Variants in MTMR11 observed in about 807,000 individuals in gnomAD.
MTMR11 encodes myotubularin related protein 11.
Under a neutral mutation model 100.0 loss-of-function variants are expected in MTMR11, and 89 were observed. That is an observed-to-expected ratio of 0.89 (90% CI 0.75 to 1.06). The LOEUF (loss-of-function observed/expected upper bound fraction) is 1.06. MTMR11 is among the 50% of genes least tolerant of loss of function. The pLI is 0.00. For synonymous variants in MTMR11, 336 were observed against 326.3 expected, an observed-to-expected ratio of 1.03 and a Z score of -0.32; for missense variants, 809 against 873.7, an observed-to-expected ratio of 0.93 and a Z score of 0.93.
Position 149,933,847 on chromosome 1 carries a change from A to T in MTMR11, c.771+8T>A, listed in dbSNP as rs374015983. 3.1e-6 allele frequency: 5 copies of T among 1,613,560 alleles called. No individual in the cohort carries two copies. The highest frequency in any genetic ancestry group is 4.2e-6 in the Non-Finnish European group (5 of 1,179,626). The stretch of plus-strand genomic sequence containing the variant: ...ATCCACAGCCATTACCCTAACCATC[A>T]CACTGACCGGTCCACGGCCCTGATG... On this transcript the variant is annotated splice_region_variant and intron_variant, in intron 8 of 16. Transcript: ENST00000439741.
chr1:149,935,691 C>G lies in MTMR11; in HGVS notation c.157G>C (p.Ala53Pro). ...CCCTTCCTCACCCCTGGGGCCCATG[C>G]TAGGATCTGCTCCCCTAAAGGGGAA... is the stretch of plus-strand genomic sequence containing the variant. ...SRCLPGEQIL[A>P]WAPGVRKGLE... The change falls in exon 3 of 17, where the codon GCA becomes CCA. Residue 53 changes from alanine (A) to proline (P), a missense_variant. By Grantham distance (27) the Ala-to-Pro change is conservative (BLOSUM62 -1). Transcript: ENST00000439741. The G allele has an allele frequency of 6.2e-7, 1 of 1,607,472 alleles. No homozygotes were observed. Among genetic ancestry groups the G allele is most frequent in the Non-Finnish European group, 8.5e-7 (1 of 1,176,898 alleles).
chr1:149,929,536 T>TCAGCTCCTTGCCTTTC (rs1553766900), intron 16 of MTMR11, 87 bp downstream of exon 16: 2 of 1,467,206 alleles, frequency 1.4e-6, no homozygotes, highest in Non-Finnish European at 1.8e-6. Context: ...CCCAGAGGCT[T>TCAGCTCCTTGCCTTTC]CAGCTCCTTG....
chr1:149,930,570 A>G (rs1426543744), intron 14 of MTMR11, 23 bp from the exon 15 acceptor site: 6 of 1,588,350 alleles, frequency 3.8e-6, no homozygotes, highest in Admixed American at 1.7e-5. Context: ...AGCAAGAAAA[A>G]GGATGGTTAC....
chr1:149,930,061 C>T (rs2092637980), intron 15 of MTMR11, 145 bp from the exon 16 acceptor site: 1 of 906,586 alleles, frequency 1.1e-6, no homozygotes, highest in Non-Finnish European at 1.7e-6. Context: ...AACTCTTCTA[C>T]CCTCCTCATT....
chr1:149,932,078 A>G (rs1571544971), intron 11 of MTMR11, 64 bp from the exon 12 acceptor site: 1 of 1,492,210 alleles, frequency 6.7e-7, no homozygotes, highest in East Asian at 2.3e-5. Flanking sequence ...AGTGATTTTG[A>G]TGGGTCATGG....
At position 149,929,690 on chromosome 1, in the gene MTMR11, G is replaced by GGCA. The variant is rs781834160; in HGVS notation, c.1871_1873dup (p.Leu624dup). ...CCTGATCTGGGGTCCCAGATACCCA[G>GGCA]GCAGCAGCAGCCCTGGAGGTAAAGG... On this transcript the variant is annotated inframe_insertion, in exon 16 of 17. Transcript: ENST00000439741. 1.2e-6 allele frequency: 2 copies of GGCA among 1,614,086 alleles called. No homozygotes were observed. The highest frequency in any genetic ancestry group is 2.2e-5 in the East Asian group (1 of 44,876).
Position 149,929,661 on chromosome 1 carries a change from A to G in MTMR11, c.1903T>C (p.Trp635Arg). 1 of 1,613,784 alleles carries G rather than the reference A, an allele frequency of 6.2e-7. No homozygotes were observed. ...PGYLGPQIRL[W>R]RRCYLRGRPE... ...CTTCCCCTCAGGTAGCAGCGTCTCC[A>G]GAGCCTGATCTGGGGTCCCAGATAC... The change falls in exon 16 of 17, where the codon TGG (tryptophan) becomes CGG (arginine). Residue 635 changes from tryptophan to arginine, a missense_variant. Transcript: ENST00000439741.
chr1:149,932,973 A>T (rs1411444919), intron 10 of MTMR11, among the ~76,000 whole-genome samples: 3 of 82,486 alleles, frequency 3.6e-5, no homozygotes, highest in Admixed American at 1.2e-4. Flanking sequence ...TTTTTTTTTT[A>T]AGACAAGTTT....
Position 149,936,828 on chromosome 1 carries a change from A to T in MTMR11, c.-181T>A. On this transcript the variant is annotated 5_prime_UTR_variant, in exon 1 of 17. Transcript: ENST00000439741. Reference sequence around the variant, plus strand: ...GAGCAGAGTTTGGGGGTCCTTGGAAAGGTGTGTCCAGCCCAGCCTGAGAAG... The same window carrying T: ...GAGCAGAGTTTGGGGGTCCTTGGAATGGTGTGTCCAGCCCAGCCTGAGAAG... The T allele has an allele frequency of 1.6e-6, 1 of 610,604 alleles. No homozygotes were observed. Among genetic ancestry groups the T allele is most frequent in the Non-Finnish European group, 2.9e-6 (1 of 346,714 alleles). 37.8% of individuals were successfully genotyped at this position (610,604 alleles called of 1,614,324 possible). A position where few individuals can be genotyped will look rare whatever the true frequency, so the allele number is the denominator to read the frequency against.
At chr1:149,935,806 T>C in intron 2 of MTMR11, 101 bp from the exon 3 acceptor site, 1 of 1,367,344 alleles carries the variant, frequency 7.3e-7, no homozygotes, top group Non-Finnish European at 9.8e-7. Flanking sequence ...ATAGGGAAGA[T>C]TAAAATCCTC....
chr1:149,936,146 A>C lies in MTMR11; in HGVS notation c.142+8T>G. 1 of 1,612,052 alleles carries C rather than the reference A, an allele frequency of 6.2e-7. No individual in the cohort carries two copies. Among genetic ancestry groups the C allele is most frequent in the Non-Finnish European group, 8.5e-7 (1 of 1,178,126 alleles). On this transcript the variant is annotated splice_region_variant and intron_variant, in intron 2 of 16. Coordinates refer to ENST00000439741, the MANE Select transcript of MTMR11 (RefSeq NM_001145862.2). ...GGAAGTCTTTGGAGAGTGATAGGGC[A>C]TTATTACCTGGGAGGCATCTGGAGG... is the stretch of plus-strand genomic sequence containing the variant.
In MTMR11 at chr1:149,929,924, GAAAAGA is replaced by G. The variant is rs782551299; in HGVS notation, c.1648-14_1648-9del. On this transcript the variant is annotated splice_polypyrimidine_tract_variant and intron_variant, in intron 15 of 16. Transcript: ENST00000439741. ...AGGAACCATGAAGCTTGGCTAAAAG[GAAAAGA>G]AAATCAACTGGCAACAGAGAGACCA... 1 of 1,603,150 alleles carries G rather than the reference GAAAAGA, an allele frequency of 6.2e-7. No individual in the cohort carries two copies. The highest frequency in any genetic ancestry group is 8.5e-7 in the Non-Finnish European group (1 of 1,173,918).
Position 149,928,790 on chromosome 1 carries a change from A to G in MTMR11, c.*339T>C. 5 of 1,373,456 alleles carry G rather than the reference A, an allele frequency of 3.6e-6. No individual in the cohort carries two copies. Among genetic ancestry groups the G allele is most frequent in the Non-Finnish European group, 5.2e-6 (5 of 963,080 alleles). The allele number at this position is 1,373,456 out of a possible 1,614,324, so 85.1% of individuals were successfully genotyped here. On this transcript the variant is annotated 3_prime_UTR_variant, in exon 17 of 17. Coordinates refer to ENST00000439741, the MANE Select transcript of MTMR11 (RefSeq NM_001145862.2). ...AAGAAATAGAACTTGGAATTAAAGC[A>G]GCAGCAAGGCGAGGTGAGAATGCGA...
At chr1:149,933,992 T>C in intron 7 of MTMR11, 50 bp from the exon 8 acceptor site, 1 of 1,571,644 alleles carries the variant, frequency 6.4e-7, no homozygotes, top group African/African-American at 1.4e-5. Flanking sequence ...TTCATTATAA[T>C]GGAAAGCTCT....
Position 149,936,144 on chromosome 1 carries a change from G to A in MTMR11, c.142+10C>T, listed in dbSNP as rs1553769146. 4 of 1,609,772 alleles carry A rather than the reference G, an allele frequency of 2.5e-6. No homozygotes were observed. The highest frequency in any genetic ancestry group is 2.2e-5 in the East Asian group (1 of 44,866). ...TTGGAAGTCTTTGGAGAGTGATAGGGCATTATTACCTGGGAGGCATCTGGA... is the reference window on the plus strand; with the variant it reads ...TTGGAAGTCTTTGGAGAGTGATAGGACATTATTACCTGGGAGGCATCTGGA... On this transcript the variant is annotated intron_variant, in intron 2 of 16. Coordinates refer to ENST00000439741, the MANE Select transcript of MTMR11 (RefSeq NM_001145862.2).
At position 149,932,004 on chromosome 1, in the gene MTMR11, G is replaced by C. The variant is rs1191420920; in HGVS notation, c.1063C>G (p.Arg355Gly). Residue 355 changes from arginine (R) to glycine (G), a missense_variant, in exon 12 of 17, where the codon CGA becomes GGA. Arg to Gly is a moderately radical substitution (Grantham distance 125). Coordinates refer to ENST00000439741, the MANE Select transcript of MTMR11 (RefSeq NM_001145862.2). ...AATACTGAAATGTCACTGGCCTTTC[G>C]AAGACAAGCCCTGGAGGAGCAGGTG... ...RWLDYVRACL[R>G]KASDISVLVT... 1 of 1,613,574 alleles carries C rather than the reference G, an allele frequency of 6.2e-7. No individual in the cohort carries two copies. Among genetic ancestry groups the C allele is most frequent in the Non-Finnish European group, 8.5e-7 (1 of 1,179,522 alleles).
At chr1:149,936,515 C>A (rs1051768489) in intron 1 of MTMR11, 67 bp downstream of exon 1, 9 of 1,316,068 alleles carry the variant, frequency 6.8e-6, no homozygotes, top group Middle Eastern at 1.8e-4. Flanking sequence ...TTTGCTTCCC[C>A]CTTTTATCTC....
chr1:149,931,388 G>A lies in MTMR11; in HGVS notation c.1162C>T (p.Leu388Phe). Reference sequence around the variant, plus strand: ...TCGGGGGCTGAAAGCAGCTGGACGAGTGAAGAGAGGAGGCCATTGAGATCA... The same window carrying A: ...TCGGGGGCTGAAAGCAGCTGGACGAATGAAGAGAGGAGGCCATTGAGATCA... ...DRDLNGLLSS[L>F]VQLLSAPEAR... The change falls in exon 13 of 17, where the codon CTC becomes TTC. Residue 388 changes from leucine to phenylalanine, a missense_variant. Physicochemically the swap from Leu to Phe is conservative, Grantham distance 22. Coordinates refer to ENST00000439741, the MANE Select transcript of MTMR11 (RefSeq NM_001145862.2). The A allele has an allele frequency of 1.2e-6, 2 of 1,612,846 alleles. No individual in the cohort carries two copies. Among genetic ancestry groups the A allele is most frequent in the Non-Finnish European group, 1.7e-6 (2 of 1,179,424 alleles).
At chr1:149,930,660 T>C in intron 14 of MTMR11, 113 bp from the exon 15 acceptor site, 2 of 1,371,002 alleles carry the variant, frequency 1.5e-6, no homozygotes, top group Non-Finnish European at 2.0e-6. Flanking sequence ...AAAAGTCTCG[T>C]CCTGAAAATG....
Sources: allele counts gnomAD v4.1 joint callset (sites outside exome capture counted in the v4.1 genomes callset), GRCh38; gene constraint gnomAD v4.1.1; transcripts MANE v1.5; gene names NCBI Gene and HGNC (gene_info 2026-07-23, HGNC 2026-07-21).